NAV2: variants seen among roughly 807,000 people sequenced by gnomAD.
NAV2 encodes neuron navigator 2, also known as helicase, APC down-regulated 1.
Under a neutral mutation model 223.2 loss-of-function variants are expected in NAV2, and 54 were observed. That is an observed-to-expected ratio of 0.24 (90% confidence interval 0.19 to 0.30). The LOEUF (loss-of-function observed/expected upper bound fraction) is 0.30. NAV2 is among the 10% of genes least tolerant of loss of function. NAV2 has a pLI of 1.00. For missense variants in NAV2, 2,806 were observed against 3,147.5 expected, an observed-to-expected ratio of 0.89 and a Z score of 2.60; for synonymous variants, 1,279 against 1,239.3, an observed-to-expected ratio of 1.03 and a Z score of -0.67.
intron 35 of NAV2, among the ~76,000 whole-genome samples, chr11:20,107,042 C>T (rs1047068276): frequency 2.3e-5 from 3 of 128,168 alleles, no homozygotes; most frequent in African/African-American, 8.9e-5. Flanking sequence ...TTTGGACTTG[C>T]AGTCATGGGC....
chr11:19,650,023 C>A (rs1191487986), intron 1 of NAV2, among the ~76,000 whole-genome samples: 1 of 152,180 alleles, frequency 6.6e-6, no homozygotes, highest in African/African-American at 2.4e-5. Context: ...TGGAAAATGG[C>A]AGTTCTTATA....
chr11:19,859,137 C>CTCTTTTTTTTTTTTTTTT (rs1467179579), intron 3 of NAV2, among the ~76,000 whole-genome samples: 5 of 107,114 alleles, frequency 4.7e-5, no homozygotes, highest in African/African-American at 1.4e-4. Context: ...ATCATATTCT[C>CTCTTTTTTTTTTTTTTTT]TTTTTTTTTT....
intron 1 of NAV2, among the ~76,000 whole-genome samples, chr11:19,728,323 T>C (rs2051427680): frequency 6.6e-6 from 1 of 152,158 alleles, no homozygotes; most frequent in Admixed American, 6.5e-5. Context: ...TCACCAGCCG[T>C]GTGTAGAATT....
chr11:19,885,334 C>T (rs1591063736), intron 5 of NAV2, among the ~76,000 whole-genome samples: 1 of 152,182 alleles, frequency 6.6e-6, no homozygotes, highest in Admixed American at 6.5e-5. Flanking sequence ...CACAGTGCTA[C>T]ACTCTCTTCC....
chr11:19,706,331 AC>A (rs2049661373), intron 1 of NAV2, among the ~76,000 whole-genome samples: 1 of 152,238 alleles, frequency 6.6e-6, no homozygotes. Flanking sequence ...AGTGGAACAT[AC>A]CTCTTAGAGT....
chr11:19,406,150 C>A (rs186993156), intron 1 of NAV2, among the ~76,000 whole-genome samples: 10 of 152,144 alleles, frequency 6.6e-5, no homozygotes, highest in Admixed American at 1.3e-4. Context: ...TTTGTATTCT[C>A]CCCCCAGGTT....
chr11:19,884,272 T>C (rs1436630534), intron 5 of NAV2: 1 of 1,595,772 alleles, frequency 6.3e-7, no homozygotes, highest in Admixed American at 1.7e-5. Flanking sequence ...GCTCTTCCAC[T>C]TTTTTCTTTC....
At chr11:19,776,690 G>C (rs2152638769) in intron 1 of NAV2, among the ~76,000 whole-genome samples, 1 of 140,846 alleles carries the variant, frequency 7.1e-6, no homozygotes, top group Admixed American at 7.3e-5. Flanking sequence ...AGAGTTGTGG[G>C]GGTCAGAAAT....
chr11:19,459,184 T>G (rs982736840), intron 1 of NAV2, among the ~76,000 whole-genome samples: 4 of 152,228 alleles, frequency 2.6e-5, no homozygotes, highest in Admixed American at 6.5e-5. Flanking sequence ...AGAAATGCAT[T>G]AGCTTGTGTC....
In NAV2 at chr11:19,863,205, G is replaced by A. The variant is rs549862274; in HGVS notation, c.439-5720G>A. Reference sequence around the variant, plus strand: ...CGAGGTACTGACAAGACTTCCCAAGGAATGAAGAGACCCTTGCTTTCGCTC... The same window carrying A: ...CGAGGTACTGACAAGACTTCCCAAGAAATGAAGAGACCCTTGCTTTCGCTC... On this transcript the variant is annotated intron_variant, in intron 3 of 37. Coordinates refer to ENST00000349880, the MANE Select transcript of NAV2 (RefSeq NM_145117.5). 3.3e-5 allele frequency among the ~76,000 whole-genome samples: 5 copies of A among 152,288 alleles called. No homozygotes were observed. The South Asian group carries it at 6.2e-4, about 19-fold the overall frequency.
chr11:19,782,108 T>C (rs2056795808), intron 1 of NAV2, among the ~76,000 whole-genome samples: 1 of 152,224 alleles, frequency 6.6e-6, no homozygotes, highest in Non-Finnish European at 1.5e-5. Context: ...ATCTCCCAGG[T>C]ACTGAAGTCA....
chr11:19,616,672 AG>A (rs2046805825), intron 1 of NAV2, among the ~76,000 whole-genome samples: 1 of 151,814 alleles, frequency 6.6e-6, no homozygotes, highest in Admixed American at 6.6e-5. Flanking sequence ...GAGACCAAGG[AG>A]CACAATGCTT....
At chr11:19,605,901 T>C (rs1305367215) in intron 1 of NAV2, among the ~76,000 whole-genome samples, 1 of 152,164 alleles carries the variant, frequency 6.6e-6, no homozygotes, top group East Asian at 1.9e-4. Context: ...TGCAACCCGC[T>C]GCTCATCGAT....
At chr11:19,971,678 T>C (rs1208928103) in intron 10 of NAV2, among the ~76,000 whole-genome samples, 1 of 152,196 alleles carries the variant, frequency 6.6e-6, no homozygotes. Context: ...CTGATTTCCA[T>C]CCTCACATAT....
At chr11:19,371,046 G>A (rs1718204343) in intron 1 of NAV2, among the ~76,000 whole-genome samples, 1 of 152,190 alleles carries the variant, frequency 6.6e-6, no homozygotes, top group South Asian at 2.1e-4. Context: ...CAGATGGCAA[G>A]AGACTTAATG....
intron 1 of NAV2, among the ~76,000 whole-genome samples, chr11:19,432,362 C>A (rs1590194075): frequency 6.6e-6 from 1 of 152,244 alleles, no homozygotes; most frequent in South Asian, 2.1e-4. Context: ...TTGAACTAAC[C>A]CATAGGCTGA....
chr11:19,653,898 C>T (rs575533210), intron 1 of NAV2, among the ~76,000 whole-genome samples: 1 of 152,268 alleles, frequency 6.6e-6, no homozygotes, highest in African/African-American at 2.4e-5. Context: ...CTCCCACACT[C>T]CCCTGGATGA....
intron 1 of NAV2, among the ~76,000 whole-genome samples, chr11:19,719,068 G>C (rs1446662599): frequency 1.3e-5 from 2 of 152,142 alleles, no homozygotes; most frequent in Non-Finnish European, 2.9e-5. Context: ...TAAGATATAA[G>C]GGATGTAGCC....
intron 1 of NAV2, among the ~76,000 whole-genome samples, chr11:19,637,202 G>T (rs2047529089): frequency 6.6e-6 from 1 of 152,152 alleles, no homozygotes; most frequent in South Asian, 2.1e-4. Flanking sequence ...GAAAACGTAG[G>T]TAGTGGCTAC....
Sources: gnomAD v4.1 joint callset for allele counts (sites outside exome capture counted in the v4.1 genomes callset) on GRCh38, gnomAD v4.1.1 for gene constraint, MANE v1.5 for transcripts, NCBI Gene and HGNC (gene_info 2026-07-23, HGNC 2026-07-21) for gene names.